The following AGAP2 variants were observed in gnomAD, a reference collection of about 807,000 sequenced individuals.
AGAP2 encodes ArfGAP with GTPase domain, ankyrin repeat and PH domain 2.
AGAP2 carries 32 observed loss-of-function variants against 110.9 expected under a neutral mutation model. The ratio of observed to expected loss-of-function variants is 0.29; its 90% confidence interval spans 0.22 to 0.39. AGAP2 has a LOEUF of 0.39. Ranked by LOEUF, AGAP2 falls within the 10% of genes least tolerant of loss-of-function variation. The pLI, the probability that AGAP2 is intolerant of heterozygous loss-of-function variation, is 1.00. For synonymous variants in AGAP2, 702 were observed against 713.0 expected, an observed-to-expected ratio of 0.98 and a Z score of 0.25; for missense variants, 1,285 against 1,638.5, an observed-to-expected ratio of 0.78 and a Z score of 3.72.
Position 57,734,123 on chromosome 12 carries a change from C to G in AGAP2, c.1452G>C (p.Glu484Asp), listed in dbSNP as rs1397249185. ...GACGGCTCACAGCCTGGAAACTGTT[C>G]TCATCCTCCAGGCTGAAGACGAAGA... ...AVIFVFSLED[E>D]NSFQAVSRLH... Residue 484 changes from glutamate to aspartate, a missense_variant, in exon 5 of 19, where the codon GAG becomes GAC. Around this residue, in one of 7 missense-constraint regions of AGAP2, gnomAD observed 844 missense variants for 941.2 expected, o/e 0.90. Coordinates refer to ENST00000547588, the MANE Select transcript of AGAP2 (RefSeq NM_001122772.3). 6.2e-7 allele frequency: 1 copy of G among 1,613,550 alleles called. No homozygotes were observed. The highest frequency in any genetic ancestry group is 2.2e-5 in the East Asian group (1 of 44,862).
chr12:57,729,872 C>T, intron 12 of AGAP2, 105 bp from the exon 13 acceptor site: 1 of 1,459,930 alleles, frequency 6.8e-7, no homozygotes, highest in Non-Finnish European at 9.2e-7. Context: ...TTTAGGGCTC[C>T]CCTCCTCAAC....
intron 5 of AGAP2, 21 bp from the exon 6 acceptor site, chr12:57,733,000 C>T: frequency 6.2e-7 from 1 of 1,613,460 alleles, no homozygotes; most frequent in Non-Finnish European, 8.5e-7. Context: ...AGGAAAGGGG[C>T]AGGATTGAAC....
rs759199979 is a variant in AGAP2 at position 57,737,442 on chromosome 12, G to T, written c.805C>A (p.Arg269=). The change falls in exon 1 of 19, where the codon CGG becomes AGG. Residue 269 remains arginine, a synonymous_variant. Coordinates refer to ENST00000547588, the MANE Select transcript of AGAP2 (RefSeq NM_001122772.3). This position sits in a 1 kb window ranked among gnomAD's most constrained non-coding sequence, Gnocchi z 5.9. The part of the protein sequence containing the change: ...GAGARGKLSP[R]KGKSKTLDNS... The stretch of plus-strand genomic sequence containing the variant: ...TCCAAGGTCTTACTCTTGCCTTTCC[G>T]AGGGGACAACTTCCCTCGGGCTCCA... 5.6e-6 allele frequency: 9 copies of T among 1,613,392 alleles called. No individual in the cohort carries two copies. Among genetic ancestry groups the T allele is most frequent in the East Asian group, 2.2e-5 (1 of 44,854 alleles).
rs1213029049 is a variant in AGAP2, at chr12:57,728,387, C to A, written c.2558-10G>T. On this transcript the variant is annotated splice_polypyrimidine_tract_variant and intron_variant, in intron 13 of 18. Coordinates refer to ENST00000547588, the MANE Select transcript of AGAP2 (RefSeq NM_001122772.3). ...CACATTTTGCGCTTGGCTGGTTTCC[C>A]GAAGCGAAGGAGATAGAGATAGAAT... The A allele has an allele frequency of 6.2e-7, 1 of 1,613,562 alleles. No homozygotes were observed. Among genetic ancestry groups the A allele is most frequent in the Non-Finnish European group, 8.5e-7 (1 of 1,179,686 alleles).
intron 12 of AGAP2, among the ~76,000 whole-genome samples, chr12:57,729,994 C>A (rs1022603583): frequency 6.6e-6 from 1 of 152,098 alleles, no homozygotes; most frequent in Non-Finnish European, 1.5e-5. Context: ...GGCCTTAAGA[C>A]CTTGAGCAAG....
intron 10 of AGAP2, 40 bp from the exon 11 acceptor site, chr12:57,730,993 G>A: frequency 6.8e-7 from 1 of 1,472,878 alleles, no homozygotes; most frequent in Non-Finnish European, 9.0e-7. Flanking sequence ...GAAGGTTGGG[G>A]TCCTTGGTAT....
At chr12:57,728,995 G>A (rs994594687) in intron 13 of AGAP2, among the ~76,000 whole-genome samples, 1 of 151,946 alleles carries the variant, frequency 6.6e-6, no homozygotes, top group African/African-American at 2.4e-5. Flanking sequence ...CTAACACAGT[G>A]AAACCCAGTC....
chr12:57,735,269 A>AAG (rs796791021), intron 2 of AGAP2, 100 bp downstream of exon 2: 488 of 1,096,522 alleles, frequency 4.5e-4, no homozygotes, highest in Non-Finnish European at 5.1e-4. Flanking sequence ...CCTATTCCCA[A>AAG]AGAGAGAGAG....
At chr12:57,724,372 C>G (rs956246717), downstream of AGAP2, 4 of 152,546 alleles carry the variant, frequency 2.6e-5, no homozygotes, top group African/African-American at 9.6e-5. Context: ...CAACCCTACC[C>G]TGTCCAGCCC....
In AGAP2 at chr12:57,734,676, C is replaced by T; in HGVS notation, c.1231G>A (p.Val411Met). The change falls in exon 3 of 19, where the codon GTG becomes ATG. Residue 411 changes from valine (V) to methionine (M), a missense_variant. Coordinates refer to ENST00000547588, the MANE Select transcript of AGAP2 (RefSeq NM_001122772.3). ...TTCCCACTCCTGGCATCGCCCAGCA[C>T]ACCCTGAGGGCAAGGTTGTGGAGCA... ...SRSIPELRLG[V>M]LGDARSGKSS... 6.2e-7 allele frequency: 1 copy of T among 1,614,152 alleles called. No individual in the cohort carries two copies. The highest frequency in any genetic ancestry group is 8.5e-7 in the Non-Finnish European group (1 of 1,180,030).
Position 57,734,597 on chromosome 12 carries a change from G to T in AGAP2, c.1310C>A (p.Thr437Lys). The T allele has an allele frequency of 6.2e-7, 1 of 1,614,138 alleles. No individual in the cohort carries two copies. Among genetic ancestry groups the T allele is most frequent in the Non-Finnish European group, 8.5e-7 (1 of 1,180,022 alleles). ...TATGGCTCTTCAGAACTCACTCTCT[G>T]TCTTCTCCAGCACCTGGTATGAGCC... ...LTGSYQVLEKTESEQYKKEML... is the reference protein window; with the variant it reads ...LTGSYQVLEKKESEQYKKEML... The change falls in exon 3 of 19, where the codon ACA (threonine) becomes AAA (lysine). Residue 437 changes from threonine (T) to lysine (K), a missense_variant. Thr to Lys is a moderately conservative substitution (Grantham distance 78). Around this residue, in one of 7 missense-constraint regions of AGAP2, gnomAD observed 844 missense variants for 941.2 expected, o/e 0.90. Coordinates refer to ENST00000547588, the MANE Select transcript of AGAP2 (RefSeq NM_001122772.3).
At chr12:57,736,240 C>T (rs1954979689) in intron 1 of AGAP2, among the ~76,000 whole-genome samples, 1 of 152,212 alleles carries the variant, frequency 6.6e-6, no homozygotes. Context: ...CCGGACCCGC[C>T]TCCTCTCCCG....
chr12:57,738,319 G>T lies in AGAP2; in HGVS notation c.-73C>A. 1.5e-5 allele frequency: 21 copies of T among 1,361,096 alleles called. No homozygotes were observed. The highest frequency in any genetic ancestry group is 2.0e-5 in the Non-Finnish European group (21 of 1,062,554). The allele number at this position is 1,361,096 out of a possible 1,614,324, so 84.3% of individuals were successfully genotyped here. On this transcript the variant is annotated 5_prime_UTR_variant, in exon 1 of 19. Transcript: ENST00000547588. The surrounding 1 kb of genome is among the most constrained non-coding windows in gnomAD (Gnocchi z 6.7). The stretch of plus-strand genomic sequence containing the variant: ...CTGCCTCAGGGGGGCCCGGCCATGG[G>T]GCCGCCCTGCTCGCTGCCCCCAGCC...
chr12:57,729,492 C>T (rs1954843061), intron 13 of AGAP2, 147 bp downstream of exon 13: 3 of 1,163,082 alleles, frequency 2.6e-6, no homozygotes, highest in Non-Finnish European at 3.6e-6. Context: ...GATGTCCATC[C>T]ACTCTTTCAC....
chr12:57,733,985 G>A (rs770263305), intron 5 of AGAP2, 41 bp downstream of exon 5: 2 of 1,526,008 alleles, frequency 1.3e-6, no homozygotes, highest in South Asian at 2.6e-5. Context: ...AGCCTCCTTA[G>A]GGCCTCCCTT....
intron 2 of AGAP2, 45 bp from the exon 3 acceptor site, chr12:57,734,724 G>A: frequency 6.3e-7 from 1 of 1,578,436 alleles, no homozygotes; most frequent in South Asian, 1.1e-5. Context: ...TATAAGAGAA[G>A]GCAGGATGCA....
intron 2 of AGAP2, 107 bp from the exon 3 acceptor site, chr12:57,734,786 C>T (rs1954949743): frequency 9.5e-6 from 9 of 950,336 alleles, no homozygotes; most frequent in Admixed American, 7.3e-5. Context: ...CAAGCAGGAC[C>T]CTACAGGGCC....
chr12:57,732,292 C>T (rs1369308537), intron 7 of AGAP2, 111 bp downstream of exon 7: 3 of 1,017,382 alleles, frequency 2.9e-6, no homozygotes, highest in South Asian at 3.1e-5. Flanking sequence ...CTGCCATTTC[C>T]ATCTGTTTCC....
At chr12:57,733,407 A>G (rs1009491218) in intron 5 of AGAP2, among the ~76,000 whole-genome samples, 2 of 152,178 alleles carry the variant, frequency 1.3e-5, no homozygotes, top group Non-Finnish European at 2.9e-5. Context: ...CTCTGCAGCA[A>G]GAAACCAGGA....
Sources: gnomAD v4.1 joint callset for allele counts (sites outside exome capture counted in the v4.1 genomes callset) on GRCh38, gnomAD v4.1.1 for gene constraint, gnomAD v4.1.1 regional missense constraint, Gnocchi (gnomAD v3.1) non-coding constraint, MANE v1.5 for transcripts, NCBI Gene and HGNC (gene_info 2026-07-23, HGNC 2026-07-21) for gene names.